The following TRAPPC11 variants were observed in gnomAD, a reference collection of about 807,000 sequenced individuals.
TRAPPC11 encodes foie gras homolog.
TRAPPC11 carries 104 observed loss-of-function variants against 151.2 expected under a neutral mutation model. That is an observed-to-expected ratio of 0.69 (90% CI 0.59 to 0.81). TRAPPC11 has a LOEUF of 0.81. Ranked by LOEUF, TRAPPC11 falls within the 30% of genes least tolerant of loss-of-function variation. The pLI, the probability that TRAPPC11 is intolerant of heterozygous loss-of-function variation, is 0.00. For synonymous variants in TRAPPC11, 456 were observed against 472.3 expected, an observed-to-expected ratio of 0.97 and a Z score of 0.45; for missense variants, 1,230 against 1,349.6, an observed-to-expected ratio of 0.91 and a Z score of 1.39.
chr4:183,659,471 C>T (rs930919545), intron 1 of TRAPPC11, 24 bp downstream of exon 1: 1 of 153,504 alleles, frequency 6.5e-6, no homozygotes, highest in Admixed American at 6.5e-5. Flanking sequence ...CGGAGACCCG[C>T]GGGGCCAGGC....
chr4:183,705,621 G>A (rs535605141), intron 27 of TRAPPC11, among the ~76,000 whole-genome samples: 8 of 151,532 alleles, frequency 5.3e-5, no homozygotes, highest in South Asian at 2.1e-4. Context: ...CTCCCTCCCC[G>A]CATCTCTTCC....
In TRAPPC11 at chr4:183,663,841, T is replaced by G. The variant is rs765836322; in HGVS notation, c.-21-6T>G. 1 of 1,587,186 alleles carries G rather than the reference T, an allele frequency of 6.3e-7. No homozygotes were observed. The highest frequency in any genetic ancestry group is 8.6e-7 in the Non-Finnish European group (1 of 1,156,856). ...AATTATGAATGTATTAACATTTGTA[T>G]TTCAGGTTTTTTGTGACATCGTAAA... On this transcript the variant is annotated splice_region_variant and splice_polypyrimidine_tract_variant and intron_variant, in intron 1 of 29. Transcript: ENST00000334690.
rs528448393 is a variant in TRAPPC11, at chr4:183,707,382, G to A, written c.3189+442G>A. 2.6e-4 allele frequency among the ~76,000 whole-genome samples: 39 copies of A among 151,924 alleles called. 1 individual carries two copies. In the East Asian group the frequency reaches 5.0e-3, roughly 20 times the overall value. ...TTGCGTAGAATATACTTAACCTTTC[G>A]TGTGTTTAGATACATTTTGTTTCTA... On this transcript the variant is annotated intron_variant, in intron 28 of 29. Coordinates refer to ENST00000334690, the MANE Select transcript of TRAPPC11 (RefSeq NM_021942.6).
At chr4:183,682,607 GAT>G (rs1472870212) in intron 10 of TRAPPC11, 123 bp from the exon 11 acceptor site, 10 of 442,490 alleles carry the variant, frequency 2.3e-5, no homozygotes, top group Non-Finnish European at 4.0e-5. Flanking sequence ...TCACAAATTT[GAT>G]AATTGAATAT....
chr4:183,666,481 C>G (rs1387483314), intron 3 of TRAPPC11, 55 bp downstream of exon 3: 1 of 1,553,662 alleles, frequency 6.4e-7, no homozygotes, highest in Non-Finnish European at 8.7e-7. Context: ...GTGTTATTCA[C>G]TAACATTCCT....
chr4:183,685,132 T>A lies in TRAPPC11; in HGVS notation c.1616T>A (p.Ile539Lys), dbSNP rs1554008768. ...DQKSRIEKNL[I>K]NVLMNESPDP... Reference sequence around the variant, plus strand: ...AAGTCTCGGATAGAAAAGAACCTCATAAATGTTTTAATGGTAGGTTGGAAT... The same window carrying A: ...AAGTCTCGGATAGAAAAGAACCTCAAAAATGTTTTAATGGTAGGTTGGAAT... The change falls in exon 16 of 30, where the codon ATA (isoleucine) becomes AAA (lysine). Residue 539 changes from isoleucine (I) to lysine (K), a missense_variant. Transcript: ENST00000334690. 6.2e-7 allele frequency: 1 copy of A among 1,613,982 alleles called. No individual in the cohort carries two copies. The highest frequency in any genetic ancestry group is 1.1e-5 in the South Asian group (1 of 91,070).
intron 1 of TRAPPC11, among the ~76,000 whole-genome samples, chr4:183,661,361 C>CTTTTTTT (rs139201416): frequency 4.5e-4 from 36 of 79,428 alleles, no homozygotes; most frequent in Non-Finnish European, 5.6e-4. Context: ...TGTAGATTAC[C>CTTTTTTT]TTTTTTTTTT....
chr4:183,675,232 G>T lies in TRAPPC11; in HGVS notation c.729G>T (p.Ala243=). Residue 243 remains alanine, a synonymous_variant, in exon 7 of 30, where the codon GCG becomes GCT. Transcript: ENST00000334690. ...AGTTGAAACAAGATACACAAAATGC[G>T]CTGAAGTAAGTTAAGCTTTCAAACT... ...FSELKQDTQN[A]LKNYRTAYNL... 6.5e-7 allele frequency: 1 copy of T among 1,529,458 alleles called. No individual in the cohort carries two copies. The highest frequency in any genetic ancestry group is 1.3e-5 in the South Asian group (1 of 75,438). 94.7% of individuals were successfully genotyped at this position (1,529,458 alleles called of 1,614,324 possible).
chr4:183,680,012 A>G (rs953222388), intron 9 of TRAPPC11, 108 bp from the exon 10 acceptor site: 1 of 836,280 alleles, frequency 1.2e-6, no homozygotes, highest in Non-Finnish European at 1.9e-6. Context: ...CATCAATAGC[A>G]CCATTTTAAC....
intron 20 of TRAPPC11, 139 bp from the exon 21 acceptor site, chr4:183,693,450 C>G: frequency 1.1e-6 from 1 of 905,296 alleles, no homozygotes; most frequent in Non-Finnish European, 1.6e-6. Context: ...AAGCGATCCT[C>G]CTGCCTCAGT....
intron 2 of TRAPPC11, among the ~76,000 whole-genome samples, chr4:183,664,347 C>G (rs1170602287): frequency 6.6e-6 from 1 of 151,972 alleles, no homozygotes; most frequent in Non-Finnish European, 1.5e-5. Context: ...CAACATAGTC[C>G]CCTCTAAAAG....
At chr4:183,659,547 C>T (rs1298343548) in intron 1 of TRAPPC11, 100 bp downstream of exon 1, 1 of 152,268 alleles carries the variant, frequency 6.6e-6, no homozygotes, top group African/African-American at 2.4e-5. Context: ...TTTGCAATCC[C>T]ATCGACGGGT....
intron 17 of TRAPPC11, among the ~76,000 whole-genome samples, chr4:183,686,185 G>A (rs1238593321): frequency 6.6e-6 from 1 of 152,062 alleles, no homozygotes; most frequent in African/African-American, 2.4e-5. Flanking sequence ...CACCTAGGCT[G>A]GAGGGCAATG....
chr4:183,684,784 T>C lies in TRAPPC11; in HGVS notation c.1510T>C (p.Tyr504His). 1 of 1,613,944 alleles carries C rather than the reference T, an allele frequency of 6.2e-7. No individual in the cohort carries two copies. The highest frequency in any genetic ancestry group is 8.5e-7 in the Non-Finnish European group (1 of 1,179,840). Residue 504 changes from tyrosine (Y) to histidine (H), a missense_variant, in exon 15 of 30, where the codon TAC (tyrosine) becomes CAC (histidine). Transcript: ENST00000334690. Reference protein sequence around the residue: ...SVLTTALKCSYLMAQLKDYIT... With the variant: ...SVLTTALKCSHLMAQLKDYIT... ...ATTAACTACAGCTCTGAAGTGCTCC[T>C]ACCTCATGGCCCAATTAAAGGATTA...
At chr4:183,682,432 T>C (rs1735745414) in intron 10 of TRAPPC11, among the ~76,000 whole-genome samples, 1 of 152,160 alleles carries the variant, frequency 6.6e-6, no homozygotes, top group Non-Finnish European at 1.5e-5. Context: ...GGAATAAATA[T>C]AGAGCATAAT....
chr4:183,712,828 T>G lies in TRAPPC11; in HGVS notation c.*184T>G. The G allele has an allele frequency of 5.9e-6, 3 of 506,276 alleles. No individual in the cohort carries two copies. Among genetic ancestry groups the G allele is most frequent in the Non-Finnish European group, 1.0e-5 (3 of 287,502 alleles). 31.4% of individuals were successfully genotyped at this position (506,276 alleles called of 1,614,324 possible). A position where few individuals can be genotyped will look rare whatever the true frequency, so the allele number is the denominator to read the frequency against. ...ATATTAGGAAAATCTGTCTTATAGT[T>G]TCTCTAATAAATATCTGAAATCTCA... On this transcript the variant is annotated 3_prime_UTR_variant, in exon 30 of 30. Transcript: ENST00000334690.
intron 11 of TRAPPC11, among the ~76,000 whole-genome samples, chr4:183,683,664 A>T (rs1735812810): frequency 6.6e-6 from 1 of 152,220 alleles, no homozygotes; most frequent in South Asian, 2.1e-4. Context: ...CCGTCTCAAA[A>T]AAAGAAAAAA....
chr4:183,661,288 T>C (rs896341922), intron 1 of TRAPPC11, among the ~76,000 whole-genome samples: 1 of 151,334 alleles, frequency 6.6e-6, no homozygotes, highest in Non-Finnish European at 1.5e-5. Context: ...GGTATTAGCC[T>C]AAGTGTGCCT....
chr4:183,707,361 G>A (rs779195495), intron 28 of TRAPPC11, among the ~76,000 whole-genome samples: 15 of 151,748 alleles, frequency 9.9e-5, no homozygotes, highest in South Asian at 2.1e-4. Context: ...TTGATTTTGC[G>A]TAGAATATAC....
Sources: allele counts gnomAD v4.1 joint callset (sites outside exome capture counted in the v4.1 genomes callset), GRCh38; gene constraint gnomAD v4.1.1; transcripts MANE v1.5; gene names NCBI Gene and HGNC (gene_info 2026-07-23, HGNC 2026-07-21).